The following FCHO2 variants were observed in gnomAD, a reference collection of about 807,000 sequenced individuals.
FCHO2 encodes the protein FCH and mu domain containing endocytic adaptor 2.
A neutral mutation model predicts 114.1 loss-of-function variants in FCHO2; 43 were observed. The observed-to-expected ratio is 0.38, with a 90% CI of 0.30 to 0.49. FCHO2 has a LOEUF of 0.49. FCHO2 is among the 20% of genes least tolerant of loss of function. FCHO2 has a pLI of 0.97. For missense variants in FCHO2, 807 were observed against 950.4 expected (o/e 0.85, Z 1.98); for synonymous variants, 293 against 315.2 (o/e 0.93, Z 0.75).
At chr5:72,956,692 G>T (rs942039791) in intron 1 of FCHO2, among the ~76,000 whole-genome samples, 1 of 152,178 alleles carries the variant, frequency 6.6e-6, no homozygotes, top group Non-Finnish European at 1.5e-5. Context: ...TTGCGCCCAG[G>T]ACTTTGCCTC....
chr5:73,043,809 C>A (rs1561473251), intron 11 of FCHO2, among the ~76,000 whole-genome samples: 2 of 152,022 alleles, frequency 1.3e-5, no homozygotes, highest in South Asian at 4.2e-4. Context: ...CTTGTGGATA[C>A]CTTTGGGGCC....
chr5:72,968,361 C>A (rs996727422), intron 1 of FCHO2, 137 bp from the exon 2 acceptor site: 8 of 551,746 alleles, frequency 1.4e-5, no homozygotes, highest in Non-Finnish European at 2.5e-5. Flanking sequence ...TGTTTAAAAT[C>A]ATACAATAAA....
At chr5:72,997,006 G>A in intron 5 of FCHO2, 1 of 1,558,364 alleles carries the variant, frequency 6.4e-7, no homozygotes, top group Non-Finnish European at 8.8e-7. Flanking sequence ...TTTTGCGGTG[G>A]CAGATCTGCA....
At chr5:72,976,308 G>A (rs1218374119) in intron 2 of FCHO2, among the ~76,000 whole-genome samples, 2 of 151,990 alleles carry the variant, frequency 1.3e-5, no homozygotes, top group East Asian at 3.9e-4. Context: ...CGAACTCCTG[G>A]CCTCAAGTGA....
chr5:73,047,962 A>C (rs1214109795), intron 11 of FCHO2, among the ~76,000 whole-genome samples: 1 of 151,990 alleles, frequency 6.6e-6, no homozygotes, highest in East Asian at 1.9e-4. Flanking sequence ...TCAGCTCCCT[A>C]GTAGCTGGGC....
intron 2 of FCHO2, among the ~76,000 whole-genome samples, chr5:72,976,613 T>C (rs1752898613): frequency 6.6e-6 from 1 of 152,150 alleles, no homozygotes; most frequent in Admixed American, 6.6e-5. Flanking sequence ...TTTGTGTTCT[T>C]ACTATTTTTT....
chr5:73,082,441 A>C (rs913572863), intron 23 of FCHO2, among the ~76,000 whole-genome samples: 1 of 152,130 alleles, frequency 6.6e-6, no homozygotes, highest in Non-Finnish European at 1.5e-5. Context: ...ACCGCTCTTT[A>C]TAGTTACTTC....
intron 22 of FCHO2, among the ~76,000 whole-genome samples, chr5:73,080,380 C>T (rs1387429193): frequency 6.6e-6 from 1 of 152,162 alleles, no homozygotes; most frequent in Non-Finnish European, 1.5e-5. Context: ...AAAGATGTAA[C>T]CTTTAATTCA....
intron 8 of FCHO2, among the ~76,000 whole-genome samples, chr5:73,018,043 C>T (rs939261406): frequency 6.6e-6 from 1 of 152,106 alleles, no homozygotes; most frequent in Non-Finnish European, 1.5e-5. Flanking sequence ...TTGCAAGATA[C>T]ATGTTTCACT....
At chr5:72,966,472 T>C (rs1342319238) in intron 1 of FCHO2, among the ~76,000 whole-genome samples, 1 of 152,154 alleles carries the variant, frequency 6.6e-6, no homozygotes, top group East Asian at 1.9e-4. Flanking sequence ...CTTAAACATG[T>C]AAAGTTGCAG....
intron 2 of FCHO2, among the ~76,000 whole-genome samples, chr5:72,986,054 A>G (rs756632460): frequency 2.3e-4 from 35 of 151,918 alleles, no homozygotes; most frequent in South Asian, 4.2e-4. Flanking sequence ...CTGAACTTCA[A>G]TGTTGGATAA....
At chr5:73,081,448 C>T (rs546293782) in intron 22 of FCHO2, among the ~76,000 whole-genome samples, 4 of 152,260 alleles carry the variant, frequency 2.6e-5, no homozygotes, top group East Asian at 3.9e-4. Flanking sequence ...TTGGAAGATT[C>T]GCAAACTTTA....
At chr5:73,054,642 T>A in intron 15 of FCHO2, 93 bp downstream of exon 15, 1 of 924,662 alleles carries the variant, frequency 1.1e-6, no homozygotes, top group East Asian at 2.8e-5. Flanking sequence ...AAATAAATGA[T>A]CTTTTCTCAT....
chr5:73,038,485 A>G (rs1445884637), intron 10 of FCHO2, among the ~76,000 whole-genome samples: 2 of 152,248 alleles, frequency 1.3e-5, no homozygotes, highest in Non-Finnish European at 2.9e-5. Context: ...ACCCACCAAC[A>G]TTGACTGAAA....
chr5:72,959,717 G>T (rs1751745493), intron 1 of FCHO2, among the ~76,000 whole-genome samples: 1 of 151,730 alleles, frequency 6.6e-6, no homozygotes, highest in Admixed American at 6.6e-5. Flanking sequence ...GTGAGGTAGT[G>T]AGAACCTTTG....
chr5:72,972,310 A>G (rs1274027408), intron 2 of FCHO2, among the ~76,000 whole-genome samples: 4 of 151,274 alleles, frequency 2.6e-5, no homozygotes. Flanking sequence ...CATTTTCACG[A>G]TATTGATTCT....
intron 5 of FCHO2, among the ~76,000 whole-genome samples, chr5:73,006,064 G>A (rs1041152394): frequency 6.6e-6 from 1 of 152,098 alleles, no homozygotes; most frequent in African/African-American, 2.4e-5. Flanking sequence ...TGTCAAGCAC[G>A]TTCTGGTGGT....
chr5:73,055,593 C>T (rs1757553929), intron 15 of FCHO2, among the ~76,000 whole-genome samples: 1 of 152,178 alleles, frequency 6.6e-6, no homozygotes, highest in Non-Finnish European at 1.5e-5. Context: ...AAGAGACTTG[C>T]TCCAGGTTGC....
intron 11 of FCHO2, among the ~76,000 whole-genome samples, chr5:73,043,678 A>G (rs1201815908): frequency 3.9e-5 from 6 of 152,198 alleles, no homozygotes; most frequent in Non-Finnish European, 8.8e-5. Flanking sequence ...GTCTGCTGAT[A>G]TGGAAAGAAC....
Sources: gnomAD v4.1 joint callset for allele counts (sites outside exome capture counted in the v4.1 genomes callset) on GRCh38, gnomAD v4.1.1 for gene constraint, MANE v1.5 for transcripts, NCBI Gene and HGNC (gene_info 2026-07-23, HGNC 2026-07-21) for gene names.